The following SERPINB5 variants were observed in gnomAD, a reference collection of about 807,000 sequenced individuals.
The protein encoded by SERPINB5 is serpin B5.
In SERPINB5, 27 loss-of-function variants were observed where a neutral mutation model predicts 32.2. The ratio of observed to expected loss-of-function variants is 0.84; its 90% CI spans 0.62 to 1.16. SERPINB5 has a LOEUF of 1.16. Ranked by LOEUF, SERPINB5 falls within the 50% of genes most tolerant of loss-of-function variation. SERPINB5 has a pLI of 0.00. For synonymous variants in SERPINB5, 154 were observed against 157.4 expected (o/e 0.98, Z 0.16); for missense variants, 388 against 436.3 (o/e 0.89, Z 0.99).
intron 3 of SERPINB5, among the ~76,000 whole-genome samples, chr18:63,488,073 C>T (rs1355959058): frequency 1.3e-5 from 2 of 151,944 alleles, no homozygotes; most frequent in Non-Finnish European, 2.9e-5. Context: ...TTTCTAGAAG[C>T]TCCCTAAATG....
chr18:63,491,404 C>CAAA (rs1555670766), intron 4 of SERPINB5, among the ~76,000 whole-genome samples: 4 of 81,416 alleles, frequency 4.9e-5, no homozygotes, highest in African/African-American at 1.6e-4. Flanking sequence ...CTGCGTCTCC[C>CAAA]AAAAAAAAAA....
rs1599389327 is a variant in SERPINB5, at chr18:63,488,854, G to T, written c.307-493G>T. ...ATGCATTCTGATTCAGTATGTCTGGGGTGGGGTCTGAGATTCTTTATTTCT... is the reference window on the plus strand; with the variant it reads ...ATGCATTCTGATTCAGTATGTCTGGTGTGGGGTCTGAGATTCTTTATTTCT... On this transcript the variant is annotated intron_variant, in intron 3 of 6. Coordinates refer to ENST00000382771, the MANE Select transcript of SERPINB5 (RefSeq NM_002639.5). 3.3e-5 allele frequency among the ~76,000 whole-genome samples: 5 copies of T among 152,126 alleles called. No individual in the cohort carries two copies. In the South Asian group the frequency reaches 1.0e-3, roughly 32 times the overall value.
At chr18:63,494,321 CAAA>C (rs372412366) in intron 5 of SERPINB5, among the ~76,000 whole-genome samples, 849 of 46,624 alleles carry the variant, frequency 0.018, 4 homozygotes, top group African/African-American at 0.064. Context: ...GACTCCATCT[CAAA>C]AAAAAAAAAA....
At chr18:63,497,749 G>A (rs2144507725) in intron 5 of SERPINB5, among the ~76,000 whole-genome samples, 1 of 152,200 alleles carries the variant, frequency 6.6e-6, no homozygotes, top group South Asian at 2.1e-4. Context: ...CAGTTGCATT[G>A]CTTTGTATGT....
chr18:63,498,064 A>G lies in SERPINB5; in HGVS notation c.568-1056A>G, dbSNP rs752733931. The stretch of plus-strand genomic sequence containing the variant: ...ACAACAAATATTGTTTTGTTCTGCT[A>G]TGTGCTAAGTTTGTTGTTGTTATTG... On this transcript the variant is annotated intron_variant, in intron 5 of 6. Transcript: ENST00000382771. This position sits in a 1 kb window ranked among gnomAD's most constrained non-coding sequence, Gnocchi z 4.2. Among the ~76,000 whole-genome samples the G allele has an allele frequency of 5.3e-5, 8 of 152,128 alleles. No individual in the cohort carries two copies. The highest frequency in any genetic ancestry group is 2.6e-4 in the Admixed American group (4 of 15,264).
In SERPINB5 at chr18:63,491,622, G is replaced by T. The variant is rs147719365; in HGVS notation, c.425-1331G>T. 7.5e-3 allele frequency among the ~76,000 whole-genome samples: 1,143 copies of T among 151,602 alleles called. 11 individuals are homozygous for T. Among genetic ancestry groups the T allele is most frequent in the African/African-American group, 0.026 (1,056 of 41,368 alleles). ...CCCAAGTAGCTGGGGCTACAGGTGC[G>T]TGCCACTACGCCCAGCTAATCTTTG... On this transcript the variant is annotated intron_variant, in intron 4 of 6. Coordinates refer to ENST00000382771, the MANE Select transcript of SERPINB5 (RefSeq NM_002639.5).
At chr18:63,485,503 G>T (rs1917195821) in intron 2 of SERPINB5, 2 of 152,218 alleles carry the variant, frequency 1.3e-5, no homozygotes, top group Admixed American at 1.3e-4. Context: ...TAAGGATGAA[G>T]AATTTACACT....
rs1909521749 is a variant in SERPINB5 at position 63,499,264 on chromosome 18, G to T, written c.712G>T (p.Asp238Tyr). 6.3e-7 allele frequency: 1 copy of T among 1,592,888 alleles called. No homozygotes were observed. Among genetic ancestry groups the T allele is most frequent in the Non-Finnish European group, 8.6e-7 (1 of 1,169,030 alleles). ...CATCCTACTACCCAAGGATGTGGAG[G>T]ATGAGTCCACAGGCTTGGAGAAGGT... ...MFILLPKDVE[D>Y]ESTGLEKIEK... is the part of the protein sequence containing the mutation. The change falls in exon 6 of 7, where the codon GAT (aspartate) becomes TAT (tyrosine). Residue 238 changes from aspartate to tyrosine, a missense_variant. Coordinates refer to ENST00000382771, the MANE Select transcript of SERPINB5 (RefSeq NM_002639.5).
chr18:63,487,398 T>A (rs1195517704), intron 3 of SERPINB5, among the ~76,000 whole-genome samples: 8 of 152,198 alleles, frequency 5.3e-5, no homozygotes, highest in Admixed American at 1.3e-4. Flanking sequence ...TGTAGCTCCA[T>A]AGACAATGAG....
chr18:63,495,997 AG>A (rs1647551422), intron 5 of SERPINB5, among the ~76,000 whole-genome samples: 2 of 152,198 alleles, frequency 1.3e-5, no homozygotes, highest in Admixed American at 1.3e-4. Flanking sequence ...AAATTGGTGA[AG>A]TTATATCATT....
chr18:63,487,761 A>G (rs191226084), intron 3 of SERPINB5, among the ~76,000 whole-genome samples: 1 of 152,310 alleles, frequency 6.6e-6, no homozygotes, highest in Admixed American at 6.5e-5. Flanking sequence ...GACTACATGA[A>G]GTTTCCCTCT....
chr18:63,497,499 G>GAAAA (rs60323388), intron 5 of SERPINB5: 284 of 223,514 alleles, frequency 1.3e-3, no homozygotes, highest in Non-Finnish European at 1.7e-3. Flanking sequence ...CAACGTTTCT[G>GAAAA]AAAAAAAAAA....
chr18:63,497,216 C>T (rs895293817), intron 5 of SERPINB5: 7 of 721,314 alleles, frequency 9.7e-6, no homozygotes, highest in African/African-American at 3.5e-5. Flanking sequence ...GAGGCAGACA[C>T]AGTTGGTGTG....
chr18:63,494,673 C>G (rs1486555641), intron 5 of SERPINB5, among the ~76,000 whole-genome samples: 1 of 152,222 alleles, frequency 6.6e-6, no homozygotes, highest in Non-Finnish European at 1.5e-5. Context: ...AAGATACAAT[C>G]TATGCCTGGG....
At chr18:63,487,299 G>C (rs542580462) in intron 3 of SERPINB5, among the ~76,000 whole-genome samples, 1 of 152,226 alleles carries the variant, frequency 6.6e-6, no homozygotes, top group Middle Eastern at 3.4e-3. Flanking sequence ...AAGCTTATGG[G>C]CTTTCCTTTT....
intron 3 of SERPINB5, among the ~76,000 whole-genome samples, chr18:63,488,599 A>C (rs543817213): frequency 6.6e-6 from 1 of 152,316 alleles, no homozygotes; most frequent in Non-Finnish European, 1.5e-5. Flanking sequence ...CATAAGAACT[A>C]TCTGGGTGTT....
chr18:63,485,564 C>T (rs1568108629), intron 2 of SERPINB5: 1 of 152,206 alleles, frequency 6.6e-6, no homozygotes, highest in Non-Finnish European at 1.5e-5. Context: ...ATCTTGACAT[C>T]AAGCCACATC....
Position 63,495,219 on chromosome 18 carries a change from A to C in SERPINB5, c.567+2124A>C, listed in dbSNP as rs1001718895. Among the ~76,000 whole-genome samples, 3 of 152,264 alleles carry C rather than the reference A, an allele frequency of 2.0e-5. No individual in the cohort carries two copies. In the South Asian group the frequency reaches 6.2e-4, roughly 32 times the overall value. The stretch of plus-strand genomic sequence containing the variant: ...GAGGTCTGTCTGAGATTCTAGAGAC[A>C]TAGCTTATGCTCTTCACACTCTTGT... On this transcript the variant is annotated intron_variant, in intron 5 of 6. Coordinates refer to ENST00000382771, the MANE Select transcript of SERPINB5 (RefSeq NM_002639.5).
rs1909622537 is a variant in SERPINB5, at chr18:63,503,807, G to A, written c.*85G>A. On this transcript the variant is annotated 3_prime_UTR_variant, in exon 7 of 7. Coordinates refer to ENST00000382771, the MANE Select transcript of SERPINB5 (RefSeq NM_002639.5). ...TCTGCATCCAGAGATTCATTTTCTA[G>A]ATACAATAAATTGCTAATGTTGCTG... is the stretch of plus-strand genomic sequence containing the variant. 5 of 1,401,176 alleles carry A rather than the reference G, an allele frequency of 3.6e-6. No homozygotes were observed. The South Asian group carries it at 6.2e-5, about 17-fold the overall frequency. The allele number at this position is 1,401,176 out of a possible 1,614,324, so 86.8% of individuals were successfully genotyped here.
Sources: allele counts gnomAD v4.1 joint callset (sites outside exome capture counted in the v4.1 genomes callset), GRCh38; gene constraint gnomAD v4.1.1; non-coding constraint Gnocchi (gnomAD v3.1); transcripts MANE v1.5; gene names NCBI Gene and HGNC (gene_info 2026-07-23, HGNC 2026-07-21).